Variants in ZNF605 observed in about 807,000 individuals in gnomAD.
The protein encoded by ZNF605 is zinc finger protein 605.
ZNF605 carries 9 observed loss-of-function variants against 7.9 expected under a neutral mutation model. The ratio of observed to expected loss-of-function variants is 1.14; its 90% CI spans 0.68 to 1.98. The LOEUF (loss-of-function observed/expected upper bound fraction) is 1.98, where lower values mean the gene tolerates loss of function less well. Ranked by LOEUF, ZNF605 falls within the 30% of genes most tolerant of loss-of-function variation. ZNF605 has a pLI of 0.00. For synonymous variants in ZNF605, 255 were observed against 260.1 expected (o/e 0.98, Z 0.19); for missense variants, 673 against 762.4 (o/e 0.88, Z 1.38).
chr12:132,945,802 G>T lies in ZNF605; in HGVS notation c.-162-5C>A. The T allele has an allele frequency of 4.5e-6, 4 of 897,520 alleles. No homozygotes were observed. Among genetic ancestry groups the T allele is most frequent in the Non-Finnish European group, 7.2e-6 (4 of 553,928 alleles). 55.6% of individuals were successfully genotyped at this position (897,520 alleles called of 1,614,324 possible). On this transcript the variant is annotated splice_polypyrimidine_tract_variant and splice_region_variant and intron_variant, in intron 2 of 4. Coordinates refer to ENST00000360187, the MANE Select transcript of ZNF605 (RefSeq NM_183238.4). ...CTTGTTCCAGAGGGCTATTGCCTGT[G>T]GATGCAGTGGACATTTTATTTTAGA...
intron 1 of ZNF605, among the ~76,000 whole-genome samples, chr12:132,951,575 A>ACACAGACATG (rs1555280514): frequency 3.2e-4 from 49 of 151,294 alleles, no homozygotes; most frequent in Non-Finnish European, 4.0e-4. Context: ...CGTATACCAT[A>ACACAGACATG]CACACAGACA....
rs1952441384 is a variant in ZNF605 at position 132,941,551 on chromosome 12, C to T, written c.15+4070G>A. Among the ~76,000 whole-genome samples, 1 of 152,172 alleles carries T rather than the reference C, an allele frequency of 6.6e-6. No individual in the cohort carries two copies. Among genetic ancestry groups the T allele is most frequent in the African/African-American group, 2.4e-5 (1 of 41,440 alleles). ...AGTCCAAACTACACATCAATAGGCC[C>T]AATCATGGGGCGTCTGAGGAACCGT... On this transcript the variant is annotated intron_variant, in intron 3 of 4. Transcript: ENST00000360187. This position sits in a 1 kb window ranked among gnomAD's most constrained non-coding sequence, Gnocchi z 5.1.
At chr12:132,936,165 T>C (rs1032621177) in intron 3 of ZNF605, among the ~76,000 whole-genome samples, 8 of 150,620 alleles carry the variant, frequency 5.3e-5, no homozygotes, top group Admixed American at 1.3e-4. Context: ...TTCAAAGAAA[T>C]GAGAGGTTAA....
In ZNF605 at chr12:132,922,159, A is replaced by G. The variant is rs918871543; in HGVS notation, c.*3214T>C. ...GTCAGGGGTATTTTAATTGTACAGC[A>G]TAACACTTTAGAGAGCTGGGAAGTA... On this transcript the variant is annotated 3_prime_UTR_variant, in exon 5 of 5. Transcript: ENST00000360187. 6.6e-6 allele frequency: 1 copy of G among 152,230 alleles called. No individual in the cohort carries two copies. Among genetic ancestry groups the G allele is most frequent in the African/African-American group, 2.4e-5 (1 of 41,458 alleles). 9.4% of individuals were successfully genotyped at this position (152,230 alleles called of 1,614,324 possible).
chr12:132,949,769 C>T (rs969135097), intron 1 of ZNF605, among the ~76,000 whole-genome samples: 28 of 152,118 alleles, frequency 1.8e-4, no homozygotes, highest in African/African-American at 6.5e-4. Flanking sequence ...TGGATTCTGA[C>T]CCAAACCGTG....
At position 132,925,643 on chromosome 12, in the gene ZNF605, T is replaced by C; in HGVS notation, c.1656A>G (p.Gln552=). 1 of 1,614,042 alleles carries C rather than the reference T, an allele frequency of 6.2e-7. No homozygotes were observed. The highest frequency in any genetic ancestry group is 8.5e-7 in the Non-Finnish European group (1 of 1,179,996). The change falls in exon 5 of 5, where the codon CAA becomes CAG. Residue 552 remains glutamine, a synonymous_variant. Transcript: ENST00000360187. ...FVQKVQLIKH[Q]RNHTGEKTYG... ...AGGTTTTCTCTCCTGTGTGATTTCT[T>C]TGATGCTTAATGAGCTGCACTTTCT... is the stretch of plus-strand genomic sequence containing the variant.
rs768477530 is a variant in ZNF605, at chr12:132,943,314, G to T, written c.15+2307C>A. ...GCGGAGCTTGCAGTGAGCAGAGATT[G>T]TGCCACTGCACTCCAGTCTAGGCGA... On this transcript the variant is annotated intron_variant, in intron 3 of 4. Transcript: ENST00000360187. 6.6e-5 allele frequency among the ~76,000 whole-genome samples: 10 copies of T among 151,192 alleles called. No homozygotes were observed. The East Asian group carries it at 1.6e-3, about 24-fold the overall frequency.
chr12:132,930,882 C>T (rs1952301779), intron 4 of ZNF605, among the ~76,000 whole-genome samples: 1 of 152,128 alleles, frequency 6.6e-6, no homozygotes, highest in African/African-American at 2.4e-5. Context: ...ATGCCTCACC[C>T]CTGTAATCTC....
In ZNF605 at chr12:132,950,419, G is replaced by A. The variant is rs369689576; in HGVS notation, c.-285-2149C>T. Among the ~76,000 whole-genome samples, 1,100 of 151,486 alleles carry A rather than the reference G, an allele frequency of 7.3e-3. 11 individuals carry two copies. Among genetic ancestry groups the A allele is most frequent in the Middle Eastern group, 0.024 (7 of 290 alleles). ...CTCACGGATGCACACACATGCACACGTACAGACACGCACATACGTGCAGAC... is the reference window on the plus strand; with the variant it reads ...CTCACGGATGCACACACATGCACACATACAGACACGCACATACGTGCAGAC... On this transcript the variant is annotated intron_variant, in intron 1 of 4. Coordinates refer to ENST00000360187, the MANE Select transcript of ZNF605 (RefSeq NM_183238.4).
At chr12:132,932,062 T>G (rs943381881) in intron 4 of ZNF605, among the ~76,000 whole-genome samples, 6 of 152,212 alleles carry the variant, frequency 3.9e-5, no homozygotes, top group African/African-American at 1.4e-4. Context: ...TAGCTGGCAC[T>G]AGAGGTGCAC....
chr12:132,947,831 G>A (rs958179585), intron 2 of ZNF605, among the ~76,000 whole-genome samples: 4 of 150,358 alleles, frequency 2.7e-5, no homozygotes, highest in Non-Finnish European at 4.4e-5. Context: ...GTGCAGTGGC[G>A]TGATCTCGGC....
chr12:132,947,863 A>T (rs2137159010), intron 2 of ZNF605, among the ~76,000 whole-genome samples: 1 of 151,850 alleles, frequency 6.6e-6, no homozygotes, highest in South Asian at 2.1e-4. Context: ...TCCACCTCCA[A>T]ACTTTTGGAG....
intron 2 of ZNF605, among the ~76,000 whole-genome samples, chr12:132,946,236 C>G (rs116653318): frequency 0.27 from 41,150 of 152,130 alleles, 6,171 homozygotes; most frequent in African/African-American, 0.41. Flanking sequence ...GAGTAAAACA[C>G]CAACTTACTT....
In ZNF605 at chr12:132,922,523, C is replaced by A. The variant is rs1952214265; in HGVS notation, c.*2850G>T. 6.6e-6 allele frequency: 1 copy of A among 152,204 alleles called. No individual in the cohort carries two copies. Among genetic ancestry groups the A allele is most frequent in the South Asian group, 2.1e-4 (1 of 4,834 alleles). 9.4% of individuals were successfully genotyped at this position (152,204 alleles called of 1,614,324 possible). ...GAATCTTGAGACATTTCAGCCTATG[C>A]ACTATGCGGCACTTGTACTGATAAC... On this transcript the variant is annotated 3_prime_UTR_variant, in exon 5 of 5. Transcript: ENST00000360187.
chr12:132,927,240 C>T (rs1046921304), intron 4 of ZNF605, 78 bp from the exon 5 acceptor site: 61 of 1,054,648 alleles, frequency 5.8e-5, no homozygotes, highest in African/African-American at 3.8e-4. Flanking sequence ...TCTGAAATGG[C>T]GCCATAATCC....
Position 132,941,016 on chromosome 12 carries a change from G to A in ZNF605, c.15+4605C>T, listed in dbSNP as rs539039779. 6.6e-6 allele frequency among the ~76,000 whole-genome samples: 1 copy of A among 151,984 alleles called. No homozygotes were observed. The highest frequency in any genetic ancestry group is 2.4e-5 in the African/African-American group (1 of 41,354). On this transcript the variant is annotated intron_variant, in intron 3 of 4. Transcript: ENST00000360187. This position sits in a 1 kb window ranked among gnomAD's most constrained non-coding sequence, Gnocchi z 5.1. ...CATTTGGTTTTCTGTTCCTGAGGAT[G>A]AGACATTTAGATAAAAATCAGTTCT...
At chr12:132,937,914 A>T (rs1246378839) in intron 3 of ZNF605, among the ~76,000 whole-genome samples, 1 of 152,252 alleles carries the variant, frequency 6.6e-6, no homozygotes, top group East Asian at 1.9e-4. Flanking sequence ...ATATGAATGA[A>T]TCTCAAAGGT....
intron 3 of ZNF605, among the ~76,000 whole-genome samples, chr12:132,939,144 C>G (rs892001867): frequency 2.4e-4 from 37 of 152,082 alleles, no homozygotes; most frequent in Middle Eastern, 3.4e-3. Flanking sequence ...TGCGAGCGCA[C>G]AGCGCAGGAC....
Position 132,933,207 on chromosome 12 carries a change from T to C in ZNF605, c.16-52A>G. On this transcript the variant is annotated intron_variant, in intron 3 of 4. Transcript: ENST00000360187. The surrounding 1 kb of genome is among the most constrained non-coding windows in gnomAD (Gnocchi z 4.4). Reference sequence around the variant, plus strand: ...CTGAAGTGGTTCTCATTTGGTCTTGTAAAATACTTTCTTCTGTATTTGTGG... The same window carrying C: ...CTGAAGTGGTTCTCATTTGGTCTTGCAAAATACTTTCTTCTGTATTTGTGG... 6.4e-7 allele frequency: 1 copy of C among 1,556,788 alleles called. No homozygotes were observed. Among genetic ancestry groups the C allele is most frequent in the Non-Finnish European group, 8.7e-7 (1 of 1,149,370 alleles).
Sources: gnomAD v4.1 joint callset for allele counts (sites outside exome capture counted in the v4.1 genomes callset) on GRCh38, gnomAD v4.1.1 for gene constraint, Gnocchi (gnomAD v3.1) non-coding constraint, MANE v1.5 for transcripts, NCBI Gene and HGNC (gene_info 2026-07-23, HGNC 2026-07-21) for gene names.